PTPRD: variants seen among roughly 807,000 people sequenced by gnomAD.
PTPRD encodes the protein receptor-type tyrosine-protein phosphatase delta.
Under a neutral mutation model 214.5 loss-of-function variants are expected in PTPRD, and 34 were observed. The ratio of observed to expected loss-of-function variants is 0.16; its 90% CI spans 0.12 to 0.21. PTPRD has a LOEUF of 0.21. Ranked by LOEUF, PTPRD falls within the 10% of genes least tolerant of loss-of-function variation. The pLI, the probability that PTPRD is intolerant of heterozygous loss-of-function variation, is 1.00. For missense variants in PTPRD, 2,545 were observed against 2,398.7 expected (o/e 1.06, Z -1.27); for synonymous variants, 1,128 against 845.7 (o/e 1.33, Z -5.79).
intron 2 of PTPRD, among the ~76,000 whole-genome samples, chr9:10,592,411 G>C (rs1386394632): frequency 6.6e-6 from 1 of 152,006 alleles, no homozygotes; most frequent in Admixed American, 6.6e-5. Flanking sequence ...TTTGTGAAGA[G>C]GGGAAAAAAT....
intron 5 of PTPRD, among the ~76,000 whole-genome samples, chr9:9,890,322 C>T (rs2072803551): frequency 6.6e-6 from 1 of 151,812 alleles, no homozygotes; most frequent in African/African-American, 2.4e-5. Flanking sequence ...ACAGCCTCCC[C>T]AATACCTGTA....
chr9:9,867,044 A>T (rs1411218833), intron 5 of PTPRD, among the ~76,000 whole-genome samples: 3 of 152,116 alleles, frequency 2.0e-5, no homozygotes, highest in African/African-American at 7.2e-5. Flanking sequence ...AGTTTTCTCT[A>T]TATAGACTCA....
intron 7 of PTPRD, among the ~76,000 whole-genome samples, chr9:9,719,761 G>C (rs1049320454): frequency 6.6e-6 from 1 of 152,154 alleles, no homozygotes; most frequent in Non-Finnish European, 1.5e-5. Context: ...CACCCTCTTT[G>C]GGGTTCTGCG....
At chr9:10,155,584 T>C (rs1170313640) in intron 3 of PTPRD, among the ~76,000 whole-genome samples, 1 of 152,172 alleles carries the variant, frequency 6.6e-6, no homozygotes, top group Non-Finnish European at 1.5e-5. Flanking sequence ...GGCTGTGTGT[T>C]TGTCATAAAC....
At chr9:10,570,528 T>C (rs932730575) in intron 2 of PTPRD, among the ~76,000 whole-genome samples, 3 of 152,054 alleles carry the variant, frequency 2.0e-5, no homozygotes, top group Non-Finnish European at 4.4e-5. Flanking sequence ...AAATTGGAAT[T>C]CTGAAGAACT....
At chr9:10,082,812 T>TAC (rs776251264) in intron 3 of PTPRD, among the ~76,000 whole-genome samples, 5,663 of 138,478 alleles carry the variant, frequency 0.041, 275 homozygotes, top group African/African-American at 0.12. Context: ...CTACTCCTCC[T>TAC]ACACACACAC....
At chr9:9,872,500 C>G (rs1160916778) in intron 5 of PTPRD, among the ~76,000 whole-genome samples, 2 of 152,062 alleles carry the variant, frequency 1.3e-5, no homozygotes, top group Non-Finnish European at 2.9e-5. Flanking sequence ...ACTCTGGAGT[C>G]TGAGGTGGGA....
intron 2 of PTPRD, among the ~76,000 whole-genome samples, chr9:10,462,951 A>G (rs888226195): frequency 2.1e-4 from 31 of 150,146 alleles, no homozygotes; most frequent in Non-Finnish European, 4.0e-4. Flanking sequence ...GAGAGTGTGT[A>G]TATATACACA....
At chr9:8,946,427 C>T (rs2099064753) in intron 11 of PTPRD, among the ~76,000 whole-genome samples, 1 of 152,200 alleles carries the variant, frequency 6.6e-6, no homozygotes, top group Non-Finnish European at 1.5e-5. Context: ...CCTCTACCAG[C>T]CTCATTTTAT....
chr9:8,950,522 C>G (rs2099095821), intron 11 of PTPRD, among the ~76,000 whole-genome samples: 1 of 150,100 alleles, frequency 6.7e-6, no homozygotes, highest in Non-Finnish European at 1.5e-5. Flanking sequence ...GTTCACATAG[C>G]ACTGGGTTAA....
intron 11 of PTPRD, among the ~76,000 whole-genome samples, chr9:8,955,878 G>A (rs1162496719): frequency 1.3e-5 from 2 of 151,780 alleles, no homozygotes; most frequent in Admixed American, 6.6e-5. Context: ...CCTACATATA[G>A]CATTCATTTG....
chr9:9,247,397 A>G (rs1594496208), intron 9 of PTPRD, among the ~76,000 whole-genome samples: 1 of 152,106 alleles, frequency 6.6e-6, no homozygotes, highest in East Asian at 2.0e-4. Context: ...TGTGTCTTTT[A>G]AGTCTTCATT....
intron 11 of PTPRD, among the ~76,000 whole-genome samples, chr9:8,931,559 G>T (rs1362528148): frequency 6.6e-6 from 1 of 152,118 alleles, no homozygotes; most frequent in East Asian, 1.9e-4. Flanking sequence ...GGGCAGTATG[G>T]CCCTTTTCAC....
chr9:9,420,636 T>A (rs2078434310), intron 8 of PTPRD, among the ~76,000 whole-genome samples: 1 of 151,868 alleles, frequency 6.6e-6, no homozygotes, highest in Non-Finnish European at 1.5e-5. Flanking sequence ...TTTGTATTAG[T>A]GAAAGTTGGA....
At chr9:10,131,279 C>T (rs1268892801) in intron 3 of PTPRD, among the ~76,000 whole-genome samples, 3 of 152,044 alleles carry the variant, frequency 2.0e-5, no homozygotes, top group Non-Finnish European at 2.9e-5. Flanking sequence ...AAGTTCTGTC[C>T]CTTAGACACT....
At chr9:8,714,096 G>C (rs1386025666) in intron 12 of PTPRD, among the ~76,000 whole-genome samples, 1 of 152,120 alleles carries the variant, frequency 6.6e-6, no homozygotes. Context: ...TAAAGCCTAA[G>C]GTGGATCAGA....
intron 3 of PTPRD, among the ~76,000 whole-genome samples, chr9:10,048,437 T>C (rs553418078): frequency 6.6e-6 from 1 of 152,264 alleles, no homozygotes; most frequent in East Asian, 1.9e-4. Context: ...ATATAATCTT[T>C]GACCTGTGCT....
chr9:10,486,294 T>C lies in PTPRD; in HGVS notation c.-600+126104A>G, dbSNP rs2132435000. ...TGAATTGTATTTCCTAGGTTTATTC[T>C]AGGGTTTTTATGGTTTTGGGTTTTA... On this transcript the variant is annotated intron_variant, in intron 2 of 45. Coordinates refer to ENST00000381196, the MANE Select transcript of PTPRD (RefSeq NM_002839.4). 2.0e-5 allele frequency among the ~76,000 whole-genome samples: 3 copies of C among 152,308 alleles called. No individual in the cohort carries two copies. In the South Asian group the frequency reaches 6.2e-4, roughly 32 times the overall value.
chr9:8,565,863 A>G (rs545756551), intron 14 of PTPRD, among the ~76,000 whole-genome samples: 1 of 152,294 alleles, frequency 6.6e-6, no homozygotes, highest in East Asian at 1.9e-4. Flanking sequence ...TTTTGGAACC[A>G]TGGAATATTA....
Sources: allele counts gnomAD v4.1 joint callset (sites outside exome capture counted in the v4.1 genomes callset), GRCh38; gene constraint gnomAD v4.1.1; transcripts MANE v1.5; gene names NCBI Gene and HGNC (gene_info 2026-07-23, HGNC 2026-07-21).